Variants in MARCHF5 observed in about 807,000 individuals in gnomAD.
MARCHF5 encodes E3 ubiquitin-protein ligase MARCHF5.
Under a neutral mutation model 36.5 loss-of-function variants are expected in MARCHF5, and 5 were observed. The observed-to-expected ratio is 0.14, with a 90% CI of 0.07 to 0.29. The LOEUF is 0.29. MARCHF5 is among the 10% of genes least tolerant of loss of function. The pLI is 1.00. For missense variants in MARCHF5, 179 were observed against 336.3 expected (o/e 0.53, Z 3.66); for synonymous variants, 103 against 109.9 (o/e 0.94, Z 0.39).
chr10:92,295,968 C>T lies in MARCHF5; in HGVS notation c.35+4439C>T, dbSNP rs559388619. 2.4e-4 allele frequency among the ~76,000 whole-genome samples: 36 copies of T among 151,788 alleles called. No homozygotes were observed. In the South Asian group the frequency reaches 7.1e-3, roughly 30 times the overall value. On this transcript the variant is annotated intron_variant, in intron 1 of 5. Transcript: ENST00000358935. ...TCGGTTCACCACAACCTCCGCCTCT[C>T]GGGTTCGCGTGATTCTCCTGCCTTA...
intron 2 of MARCHF5, among the ~76,000 whole-genome samples, chr10:92,328,326 C>T (rs1843391109): frequency 6.7e-6 from 1 of 148,884 alleles, no homozygotes. Context: ...CATTTCTCCA[C>T]TGTAAAGTTA....
At chr10:92,319,997 A>G (rs1843271154) in intron 2 of MARCHF5, among the ~76,000 whole-genome samples, 2 of 143,314 alleles carry the variant, frequency 1.4e-5, no homozygotes, top group South Asian at 4.3e-4. Flanking sequence ...TTTGAGACAG[A>G]GTCTCACTCT....
At chr10:92,294,410 C>G (rs887225225) in intron 1 of MARCHF5, among the ~76,000 whole-genome samples, 1 of 152,104 alleles carries the variant, frequency 6.6e-6, no homozygotes, top group African/African-American at 2.4e-5. Flanking sequence ...CTAATGTAAA[C>G]CAGTTTGGCC....
chr10:92,343,820 C>T (rs553600865), intron 3 of MARCHF5, among the ~76,000 whole-genome samples: 1 of 152,286 alleles, frequency 6.6e-6, no homozygotes, highest in African/African-American at 2.4e-5. Context: ...CTGCCTGCCT[C>T]TGCTTCCCAA....
intron 2 of MARCHF5, among the ~76,000 whole-genome samples, chr10:92,314,789 C>T (rs955239382): frequency 2.2e-5 from 3 of 135,316 alleles, no homozygotes; most frequent in African/African-American, 3.0e-5. Flanking sequence ...CTATGTTGTC[C>T]AGGCTTGTCT....
rs141702615 is a variant in MARCHF5, at chr10:92,318,518, C to T, written c.238+7181C>T. Among the ~76,000 whole-genome samples, 43 of 151,274 alleles carry T rather than the reference C, an allele frequency of 2.8e-4. 1 individual carries two copies. The East Asian group carries it at 8.4e-3, about 30-fold the overall frequency. On this transcript the variant is annotated intron_variant, in intron 2 of 5. Transcript: ENST00000358935. ...GGCAGATTGCTTGAGCCCAGGAGTT[C>T]GAGACCAGCCTGGGGAACATGGCAA...
chr10:92,346,319 A>C (rs1843643443), intron 3 of MARCHF5, among the ~76,000 whole-genome samples: 1 of 152,088 alleles, frequency 6.6e-6, no homozygotes, highest in African/African-American at 2.4e-5. Flanking sequence ...ACATCTGTTT[A>C]ACCTGCCATT....
chr10:92,312,781 G>GT (rs1212198353), intron 2 of MARCHF5, among the ~76,000 whole-genome samples: 1 of 152,232 alleles, frequency 6.6e-6, no homozygotes, highest in Non-Finnish European at 1.5e-5. Context: ...ACTACATCAA[G>GT]TTGACAAGTG....
intron 2 of MARCHF5, among the ~76,000 whole-genome samples, chr10:92,316,860 C>A (rs1214495232): frequency 4.6e-5 from 7 of 152,134 alleles, no homozygotes; most frequent in Admixed American, 4.6e-4. Context: ...ACCACCACAC[C>A]CAGCTGAAAT....
At chr10:92,301,342 T>A (rs768766710) in intron 1 of MARCHF5, among the ~76,000 whole-genome samples, 9 of 152,260 alleles carry the variant, frequency 5.9e-5, no homozygotes, top group Non-Finnish European at 1.3e-4. Context: ...TTTGTACTGC[T>A]GTAATTTTCT....
intron 2 of MARCHF5, among the ~76,000 whole-genome samples, chr10:92,336,691 A>G (rs1460027705): frequency 6.6e-6 from 1 of 151,982 alleles, no homozygotes; most frequent in Admixed American, 6.6e-5. Context: ...TCAGCTACTC[A>G]AGAGGCTTAG....
intron 1 of MARCHF5, among the ~76,000 whole-genome samples, chr10:92,306,605 A>C (rs765857937): frequency 2.0e-5 from 3 of 152,214 alleles, no homozygotes; most frequent in Non-Finnish European, 4.4e-5. Context: ...GGAAGGGGGT[A>C]GAGAATTGGG....
At chr10:92,350,509 G>A (rs1190870023) in intron 5 of MARCHF5, among the ~76,000 whole-genome samples, 2 of 152,250 alleles carry the variant, frequency 1.3e-5, no homozygotes, top group East Asian at 1.9e-4. Context: ...GGTGATTGTC[G>A]GGTAATTGTC....
chr10:92,305,985 C>T (rs1843069216), intron 1 of MARCHF5, among the ~76,000 whole-genome samples: 1 of 152,184 alleles, frequency 6.6e-6, no homozygotes, highest in African/African-American at 2.4e-5. Flanking sequence ...GAGGCCATCT[C>T]TTAGTACCCA....
At chr10:92,332,348 A>G (rs908714286) in intron 2 of MARCHF5, among the ~76,000 whole-genome samples, 4 of 152,070 alleles carry the variant, frequency 2.6e-5, no homozygotes, top group Admixed American at 2.6e-4. Flanking sequence ...TTACATAAAG[A>G]TGGTGAAATC....
intron 1 of MARCHF5, among the ~76,000 whole-genome samples, chr10:92,306,997 G>A (rs1366238314): frequency 6.6e-6 from 1 of 152,148 alleles, no homozygotes; most frequent in Non-Finnish European, 1.5e-5. Context: ...CTAGGTGGCA[G>A]AGTGAGACTC....
At chr10:92,324,095 G>A (rs1056905129) in intron 2 of MARCHF5, among the ~76,000 whole-genome samples, 1 of 152,216 alleles carries the variant, frequency 6.6e-6, no homozygotes. Context: ...TCTGATAGAT[G>A]TATAGAGGTA....
In MARCHF5 at chr10:92,291,677, A is replaced by G. The variant is rs1842868369; in HGVS notation, c.35+148A>G. 6 of 1,219,208 alleles carry G rather than the reference A, an allele frequency of 4.9e-6. No individual in the cohort carries two copies. The East Asian group carries it at 1.7e-4, about 35-fold the overall frequency. The allele number at this position is 1,219,208 out of a possible 1,614,324, so 75.5% of individuals were successfully genotyped here. A position where few individuals can be genotyped will look rare whatever the true frequency, so the allele number is the denominator to read the frequency against. On this transcript the variant is annotated intron_variant, in intron 1 of 5. Transcript: ENST00000358935. ...GCCGTGAGAGGGGCAAAAAGTTTGG[A>G]GTCTAGACCTGGGGGAGGACAGAGC...
At chr10:92,331,323 C>G (rs905386672) in intron 2 of MARCHF5, among the ~76,000 whole-genome samples, 1 of 151,844 alleles carries the variant, frequency 6.6e-6, no homozygotes, top group Non-Finnish European at 1.5e-5. Context: ...TGGAATTGGC[C>G]TTCTTTTCAC....
Sources: gnomAD v4.1 joint callset for allele counts (sites outside exome capture counted in the v4.1 genomes callset) on GRCh38, gnomAD v4.1.1 for gene constraint, MANE v1.5 for transcripts, NCBI Gene and HGNC (gene_info 2026-07-23, HGNC 2026-07-21) for gene names.